PTK2: variants seen among roughly 807,000 people sequenced by gnomAD.
PTK2 encodes the protein protein tyrosine kinase 2.
Under a neutral mutation model 150.1 loss-of-function variants are expected in PTK2, and 45 were observed. That is an observed-to-expected ratio of 0.30 (90% CI 0.24 to 0.38). The LOEUF (loss-of-function observed/expected upper bound fraction) is 0.38. Ranked by LOEUF, PTK2 falls within the 10% of genes least tolerant of loss-of-function variation. The pLI, the probability that PTK2 is intolerant of heterozygous loss-of-function variation, is 1.00. For missense variants in PTK2, 919 were observed against 1,307.3 expected (o/e 0.70, Z 4.58); for synonymous variants, 432 against 449.2 (o/e 0.96, Z 0.48).
chr8:140,783,750 C>T (rs2100083191), intron 14 of PTK2, among the ~76,000 whole-genome samples: 2 of 152,064 alleles, frequency 1.3e-5, no homozygotes, highest in Non-Finnish European at 2.9e-5. Context: ...AGTCACTAAC[C>T]TGAAAAACCT....
chr8:140,823,901 G>A (rs7001591), intron 8 of PTK2, among the ~76,000 whole-genome samples: 88,341 of 152,006 alleles, frequency 0.58, 27,296 homozygotes, highest in African/African-American at 0.79. Context: ...CTTTACGCCC[G>A]TAACATTCTT....
intron 15 of PTK2, among the ~76,000 whole-genome samples, chr8:140,763,963 C>A (rs1416811275): frequency 6.6e-6 from 1 of 151,876 alleles, no homozygotes; most frequent in East Asian, 1.9e-4. Context: ...ATACCCTAAT[C>A]AATAAAGGTT....
intron 23 of PTK2, among the ~76,000 whole-genome samples, chr8:140,714,002 C>T (rs1474994303): frequency 6.6e-6 from 1 of 152,142 alleles, no homozygotes; most frequent in Admixed American, 6.5e-5. Context: ...GATCCTCCTG[C>T]CTCAGTCCAC....
intron 1 of PTK2, among the ~76,000 whole-genome samples, chr8:140,929,645 C>T (rs894177751): frequency 6.6e-6 from 1 of 152,070 alleles, no homozygotes; most frequent in Admixed American, 6.5e-5. Flanking sequence ...CATGCAACTC[C>T]AAAGCCCAAA....
In PTK2 at chr8:140,820,076, G is replaced by GTTTTTTTTTTTTTTTTTTT. The variant is rs370537018; in HGVS notation, c.649-1075_649-1057dup. ...AGAGGAGTGACTTTATCTGACTTTG[G>GTTTTTTTTTTTTTTTTTTT]TTTTTTTTTTTTTTTTTTTTTTTTT... On this transcript the variant is annotated intron_variant, in intron 8 of 31. Coordinates refer to ENST00000522684, the Ensembl canonical transcript of PTK2. 2.2e-4 allele frequency among the ~76,000 whole-genome samples: 11 copies of GTTTTTTTTTTTTTTTTTTT among 50,254 alleles called. 3 individuals are homozygous for GTTTTTTTTTTTTTTTTTTT. The highest frequency in any genetic ancestry group is 7.6e-4 in the South Asian group (1 of 1,318). The allele number at this position is 50,254 out of a possible 152,430, so 33.0% of individuals were successfully genotyped here.
intron 17 of PTK2, among the ~76,000 whole-genome samples, chr8:140,748,496 C>CAA (rs61423469): frequency 0.047 from 5,239 of 111,258 alleles, 299 homozygotes; most frequent in African/African-American, 0.15. Context: ...GACTCTGTCT[C>CAA]AAAAAAAAAA....
chr8:140,992,164 C>T (rs993731944), intron 1 of PTK2, among the ~76,000 whole-genome samples: 2 of 151,692 alleles, frequency 1.3e-5, no homozygotes, highest in African/African-American at 2.4e-5. Context: ...TGGTGGTGTG[C>T]GCCTGTAATC....
Position 140,792,937 on chromosome 8 carries a change from CT to C in PTK2, c.1124+416del, listed in dbSNP as rs540281520. On this transcript the variant is annotated intron_variant, in intron 13 of 31. Coordinates refer to ENST00000522684, the Ensembl canonical transcript of PTK2. Reference sequence around the variant, plus strand: ...GTTCTTTTGGTATTACTATTCGATTCTTTTAGTTTTGTAGATCAACATGCCC... The same window carrying C: ...GTTCTTTTGGTATTACTATTCGATTCTTTAGTTTTGTAGATCAACATGCCC... Among the ~76,000 whole-genome samples, 183 of 152,108 alleles carry C rather than the reference CT, an allele frequency of 1.2e-3. 1 individual carries two copies. Among genetic ancestry groups the C allele is most frequent in the Non-Finnish European group, 2.5e-3 (171 of 68,020 alleles).
chr8:140,919,872 A>T (rs1208180303), intron 2 of PTK2, among the ~76,000 whole-genome samples: 3 of 152,200 alleles, frequency 2.0e-5, no homozygotes, highest in African/African-American at 7.2e-5. Flanking sequence ...CTAGGAAAGA[A>T]TCAATAGATG....
chr8:140,668,025 G>A lies in PTK2; in HGVS notation c.2865+244C>T, dbSNP rs987890594. Among the ~76,000 whole-genome samples, 27 of 152,316 alleles carry A rather than the reference G, an allele frequency of 1.8e-4. No homozygotes were observed. In the Middle Eastern group the frequency reaches 0.01, roughly 58 times the overall value. On this transcript the variant is annotated intron_variant, in intron 30 of 31. Transcript: ENST00000522684. ...TGTGAGTGGTAATTATTAAAAGAGT[G>A]TACTGCTTCAAGACACTCCCATCCT...
intron 7 of PTK2, among the ~76,000 whole-genome samples, chr8:140,834,125 G>A (rs376956882): frequency 1.3e-5 from 2 of 152,230 alleles, no homozygotes; most frequent in African/African-American, 4.8e-5. Flanking sequence ...CATTGTCGCA[G>A]AAAGCTGCAA....
At chr8:140,983,810 T>C (rs1363577393) in intron 1 of PTK2, 1 of 152,216 alleles carries the variant, frequency 6.6e-6, no homozygotes, top group Non-Finnish European at 1.5e-5. Flanking sequence ...GGCAAACTTT[T>C]AATGTAAACA....
chr8:140,734,356 TAA>T (rs2100051290), intron 22 of PTK2, among the ~76,000 whole-genome samples: 1 of 152,226 alleles, frequency 6.6e-6, no homozygotes, highest in Admixed American at 6.5e-5. Flanking sequence ...ATTACAGTAT[TAA>T]GTCTCATTCT....
At chr8:140,793,479 GGTATTCCA>G (rs2100089813) in intron 12 of PTK2, 95 bp from the exon 13 acceptor site, 2 of 1,328,850 alleles carry the variant, frequency 1.5e-6, no homozygotes, top group Admixed American at 4.5e-5. Context: ...GGCCTATACT[GGTATTCCA>G]GCAATGACCC....
intron 1 of PTK2, among the ~76,000 whole-genome samples, chr8:140,956,765 T>C (rs1345208743): frequency 1.3e-5 from 2 of 152,126 alleles, no homozygotes; most frequent in Non-Finnish European, 2.9e-5. Context: ...AACAAAAAAG[T>C]TTAAAAACCT....
At chr8:140,667,739 C>T (rs1430769769) in intron 30 of PTK2, among the ~76,000 whole-genome samples, 2 of 152,108 alleles carry the variant, frequency 1.3e-5, no homozygotes, top group Non-Finnish European at 2.9e-5. Context: ...TCAATGAACA[C>T]CCACATACCC....
Position 140,782,254 on chromosome 8 carries a change from T to TTTG in PTK2, c.1177+7219_1177+7220insCAA, listed in dbSNP as rs567880304. On this transcript the variant is annotated intron_variant, in intron 14 of 31. Transcript: ENST00000522684. Reference sequence around the variant, plus strand: ...TTTAAAATTTGGTTGTTTTTTTTTTTGGGGGGGGGGACAGGGTCCTCTCTT... The same window carrying TTTG: ...TTTAAAATTTGGTTGTTTTTTTTTTTTTGGGGGGGGGGGACAGGGTCCTCTCTT... Among the ~76,000 whole-genome samples the TTTG allele has an allele frequency of 3.2e-3, 440 of 138,126 alleles. 5 individuals carry two copies. Among genetic ancestry groups the TTTG allele is most frequent in the African/African-American group, 0.012 (424 of 35,920 alleles). The allele number at this position is 138,126 out of a possible 152,430, so 90.6% of individuals were successfully genotyped here.
chr8:140,748,481 A>G (rs2100060815), intron 17 of PTK2, among the ~76,000 whole-genome samples: 2 of 138,638 alleles, frequency 1.4e-5, no homozygotes, highest in Admixed American at 7.4e-5. Flanking sequence ...TGGGCGACAG[A>G]CTGAGACTCT....
At chr8:140,674,347 C>A (rs1174295807) in exon 29 of PTK2, 1 of 1,608,386 alleles carries the variant, frequency 6.2e-7, no homozygotes, top group Admixed American at 1.7e-5. Flanking sequence ...GCTGGCAAGG[C>A]TTCCCAGATG....
Sources: gnomAD v4.1 joint callset for allele counts (sites outside exome capture counted in the v4.1 genomes callset) on GRCh38, gnomAD v4.1.1 for gene constraint, MANE v1.5 for transcripts, NCBI Gene and HGNC (gene_info 2026-07-23, HGNC 2026-07-21) for gene names.